Variants in BBS2 observed in about 807,000 individuals in gnomAD.
The protein encoded by BBS2 is BBSome complex member BBS2.
BBS2 carries 62 observed loss-of-function variants against 83.0 expected under a neutral mutation model. The observed-to-expected ratio is 0.75, with a 90% CI of 0.61 to 0.92. The LOEUF is 0.92. Ranked by LOEUF, BBS2 falls within the 40% of genes least tolerant of loss-of-function variation. The pLI, the probability that BBS2 is intolerant of heterozygous loss-of-function variation, is 0.00. For missense variants in BBS2, 784 were observed against 901.0 expected (o/e 0.87, Z 1.66); for synonymous variants, 303 against 326.1 (o/e 0.93, Z 0.76).
Position 56,506,127 on chromosome 16 carries a change from C to T in BBS2, c.710G>A (p.Arg237Lys), listed in dbSNP as rs377718970. The T allele has an allele frequency of 3.8e-5, 62 of 1,613,360 alleles. No homozygotes were observed. The highest frequency in any genetic ancestry group is 5.3e-5 in the Non-Finnish European group (62 of 1,179,456). The change falls in exon 6 of 17, where the codon AGA (arginine) becomes AAA (lysine). Residue 237 changes from arginine to lysine, a missense_variant. Transcript: ENST00000245157. The stretch of plus-strand genomic sequence containing the variant: ...AGGCTAAATTATACTAACTTTAATT[C>T]TCCAGTATCGGGATGTTTTGTCATA... The part of the protein sequence containing the change: ...GVYDKTSRYW[R>K]IKSKNHAMSI...
At chr16:56,488,732 G>T (rs1963858158) in intron 15 of BBS2, among the ~76,000 whole-genome samples, 2 of 151,716 alleles carry the variant, frequency 1.3e-5, no homozygotes, top group South Asian at 4.2e-4. Flanking sequence ...CCTGGAGGTT[G>T]GGAGAGGGGT....
chr16:56,473,801 A>G (rs1455778108), intron 17 of BBS2, among the ~76,000 whole-genome samples: 1 of 151,162 alleles, frequency 6.6e-6, no homozygotes, highest in Non-Finnish European at 1.5e-5. Flanking sequence ...TACATATAGG[A>G]GTATTAACCT....
intron 15 of BBS2, among the ~76,000 whole-genome samples, chr16:56,493,383 CAAAAAAAAAAAAAA>C (rs1177705335): frequency 4.2e-5 from 1 of 24,020 alleles, no homozygotes; most frequent in Non-Finnish European, 1.1e-4. Flanking sequence ...GACCTTGTCT[CAAAAAAAAAAAAAA>C]AAAAAAAAAA....
intron 5 of BBS2, chr16:56,509,738 A>T (rs938910163): frequency 1.9e-6 from 1 of 534,006 alleles, no homozygotes; most frequent in Non-Finnish European, 3.4e-6. Flanking sequence ...ATATGCAATA[A>T]TTTTTCTCTA....
At chr16:56,493,299 T>A (rs1245716941) in intron 15 of BBS2, among the ~76,000 whole-genome samples, 2 of 146,590 alleles carry the variant, frequency 1.4e-5, no homozygotes, top group Non-Finnish European at 3.0e-5. Context: ...GGTGAGATGA[T>A]CCCTTGAGCC....
intron 15 of BBS2, among the ~76,000 whole-genome samples, chr16:56,485,970 T>C (rs1336548239): frequency 1.3e-5 from 2 of 152,130 alleles, no homozygotes; most frequent in African/African-American, 4.8e-5. Context: ...TGGTCAATGG[T>C]TGATTTAGGT....
intron 2 of BBS2, among the ~76,000 whole-genome samples, chr16:56,513,652 G>A (rs1964642580): frequency 6.6e-6 from 1 of 152,162 alleles, no homozygotes; most frequent in Non-Finnish European, 1.5e-5. Flanking sequence ...CAAACTTCTA[G>A]AGACAGAAAG....
intron 11 of BBS2, chr16:56,500,118 T>G (rs1306107919): frequency 3.0e-5 from 16 of 536,554 alleles, no homozygotes; most frequent in Admixed American, 2.7e-4. Context: ...CATATATACC[T>G]GCATGCACTA....
intron 7 of BBS2, 150 bp downstream of exon 7, chr16:56,505,800 T>C (rs1410181994): frequency 1.5e-6 from 1 of 669,320 alleles, no homozygotes; most frequent in Non-Finnish European, 2.7e-6. Context: ...GCAGGAAGAA[T>C]GTGTCAAGAT....
chr16:56,474,316 A>AC (rs2144054002), intron 17 of BBS2, among the ~76,000 whole-genome samples: 2 of 146,474 alleles, frequency 1.4e-5, no homozygotes, highest in East Asian at 4.0e-4. Flanking sequence ...TCAAAATTCA[A>AC]CTTTTTTTTT....
Position 56,513,289 on chromosome 16 carries a change from T to C in BBS2, c.345+1164A>G, listed in dbSNP as rs539454839. 9.8e-5 allele frequency among the ~76,000 whole-genome samples: 15 copies of C among 152,308 alleles called. 1 individual carries two copies. The South Asian group carries it at 3.1e-3, about 32-fold the overall frequency. On this transcript the variant is annotated intron_variant, in intron 2 of 16. Coordinates refer to ENST00000245157, the MANE Select transcript of BBS2 (RefSeq NM_031885.5). Reference sequence around the variant, plus strand: ...ACAGAAACAATGGAAATAACATAAATGTTCAACAACATGGAACGGTTAAAC... The same window carrying C: ...ACAGAAACAATGGAAATAACATAAACGTTCAACAACATGGAACGGTTAAAC...
Position 56,499,917 on chromosome 16 carries a change from A to G in BBS2, c.1398-10T>C. 6.2e-7 allele frequency: 1 copy of G among 1,613,962 alleles called. No individual in the cohort carries two copies. Among genetic ancestry groups the G allele is most frequent in the Non-Finnish European group, 8.5e-7 (1 of 1,179,888 alleles). On this transcript the variant is annotated splice_polypyrimidine_tract_variant and intron_variant, in intron 11 of 16. Coordinates refer to ENST00000245157, the MANE Select transcript of BBS2 (RefSeq NM_031885.5). ...TACATGAAACTGGGTGCTATGGCCA[A>G]TCAATGAAACACAAGAGAATTGTTT...
At chr16:56,484,116 C>T (rs143491076), downstream of BBS2, among the ~76,000 whole-genome samples, 92 of 151,716 alleles carry the variant, frequency 6.1e-4, 1 homozygote, top group East Asian at 0.011. Context: ...AAGCAATTCT[C>T]CTGCCTCAGC....
chr16:56,480,375 AAAC>A (rs373880921), downstream of BBS2, among the ~76,000 whole-genome samples: 1 of 150,582 alleles, frequency 6.6e-6, no homozygotes, highest in African/African-American at 2.5e-5. Context: ...ACAAAAAAAA[AAAC>A]AAAGCTTGGG....
At chr16:56,507,678 G>A (rs1964459584) in intron 5 of BBS2, among the ~76,000 whole-genome samples, 1 of 152,002 alleles carries the variant, frequency 6.6e-6, no homozygotes, top group Non-Finnish European at 1.5e-5. Context: ...ACACAAAACA[G>A]ACTCCCGGGC....
chr16:56,492,846 A>G (rs547236431), intron 15 of BBS2, among the ~76,000 whole-genome samples: 43 of 152,330 alleles, frequency 2.8e-4, no homozygotes, highest in Non-Finnish European at 5.7e-4. Flanking sequence ...GTATGCATGT[A>G]TCATTTACTG....
intron 15 of BBS2, among the ~76,000 whole-genome samples, chr16:56,492,524 C>G (rs1963986279): frequency 6.6e-6 from 1 of 151,984 alleles, no homozygotes; most frequent in South Asian, 2.1e-4. Flanking sequence ...ATTTGCTTAC[C>G]AATAGTTTCA....
chr16:56,495,318 AAAG>A (rs1436531107), intron 15 of BBS2, among the ~76,000 whole-genome samples: 1 of 152,228 alleles, frequency 6.6e-6, no homozygotes, highest in African/African-American at 2.4e-5. Flanking sequence ...AATATCATAA[AAAG>A]AAACAATCAA....
intron 17 of BBS2, chr16:56,476,271 A>C: frequency 6.7e-7 from 1 of 1,486,072 alleles, no homozygotes; most frequent in Non-Finnish European, 9.2e-7. Context: ...GAAAGAGCTA[A>C]GCATGGAGTC....
Sources: gnomAD v4.1 joint callset for allele counts (sites outside exome capture counted in the v4.1 genomes callset) on GRCh38, gnomAD v4.1.1 for gene constraint, MANE v1.5 for transcripts, NCBI Gene and HGNC (gene_info 2026-07-23, HGNC 2026-07-21) for gene names.